The following CDK14 variants were observed in gnomAD, a reference collection of about 807,000 sequenced individuals.
The protein encoded by CDK14 is cyclin dependent kinase 14, also known as cyclin-dependent kinase 14.
CDK14 carries 34 observed loss-of-function variants against 60.7 expected under a neutral mutation model. The observed-to-expected ratio is 0.56, with a 90% CI of 0.43 to 0.75. The LOEUF is 0.75. Ranked by LOEUF, CDK14 falls within the 30% of genes least tolerant of loss-of-function variation. The probability of loss-of-function intolerance (pLI) is 0.00; values close to 1 mark genes in which losing one functional copy is unlikely to be tolerated. For missense variants in CDK14, 482 were observed against 564.1 expected, an observed-to-expected ratio of 0.85 and a Z score of 1.47; for synonymous variants, 197 against 203.7, an observed-to-expected ratio of 0.97 and a Z score of 0.28.
rs1261839192 is a variant in CDK14, at chr7:90,616,349, AT to A, written c.123+12101del. Among the ~76,000 whole-genome samples the A allele has an allele frequency of 2.6e-5, 4 of 152,344 alleles. No individual in the cohort carries two copies. In the South Asian group the frequency reaches 8.3e-4, roughly 32 times the overall value. On this transcript the variant is annotated intron_variant, in intron 2 of 14. Coordinates refer to ENST00000380050, the MANE Select transcript of CDK14 (RefSeq NM_001287135.2). ...GATGTTAGTTACAGTTATTCAGGGCATGAATTACAAATTCTTTTGTGTTATA... is the reference window on the plus strand; with the variant it reads ...GATGTTAGTTACAGTTATTCAGGGCAGAATTACAAATTCTTTTGTGTTATA...
At chr7:90,769,063 T>G (rs1244081279) in intron 4 of CDK14, among the ~76,000 whole-genome samples, 1 of 152,230 alleles carries the variant, frequency 6.6e-6, no homozygotes, top group Non-Finnish European at 1.5e-5. Context: ...TACAAAAATT[T>G]AGACATTTAT....
intron 6 of CDK14, among the ~76,000 whole-genome samples, chr7:90,870,501 TA>T (rs35166833): frequency 6.6e-6 from 1 of 152,130 alleles, no homozygotes; most frequent in East Asian, 1.9e-4. Context: ...AATAAAAGTT[TA>T]AAAAAATTCA....
chr7:91,092,399 A>C lies in CDK14; in HGVS notation c.1154+12919A>C, dbSNP rs17163569. Among the ~76,000 whole-genome samples, 1,493 of 152,260 alleles carry C rather than the reference A, an allele frequency of 9.8e-3. 20 individuals are homozygous for C. The highest frequency in any genetic ancestry group is 0.033 in the African/African-American group (1,358 of 41,538). On this transcript the variant is annotated intron_variant, in intron 12 of 14. Transcript: ENST00000380050. Reference sequence around the variant, plus strand: ...AAGAATAATTTGACCAGCCTCTTGGAAAAACCTAGGCATCCTCTTACCACA... The same window carrying C: ...AAGAATAATTTGACCAGCCTCTTGGCAAAACCTAGGCATCCTCTTACCACA...
intron 11 of CDK14, among the ~76,000 whole-genome samples, chr7:91,075,916 G>T (rs777632514): frequency 5.3e-5 from 8 of 152,092 alleles, no homozygotes; most frequent in Non-Finnish European, 1.0e-4. Context: ...AACAAGGGAT[G>T]TGAAGGGCCT....
chr7:90,842,214 A>G (rs1239774089), intron 5 of CDK14, among the ~76,000 whole-genome samples: 1 of 152,166 alleles, frequency 6.6e-6, no homozygotes, highest in East Asian at 1.9e-4. Flanking sequence ...ACAAGATGCT[A>G]TTTTGATCCT....
intron 6 of CDK14, among the ~76,000 whole-genome samples, chr7:90,875,352 A>G (rs891333591): frequency 3.3e-5 from 5 of 152,048 alleles, no homozygotes; most frequent in African/African-American, 9.7e-5. Flanking sequence ...TCTTCTTTCA[A>G]TTCTTTTGTG....
At chr7:90,897,586 T>A (rs1429374830) in intron 6 of CDK14, among the ~76,000 whole-genome samples, 1 of 152,100 alleles carries the variant, frequency 6.6e-6, no homozygotes, top group Admixed American at 6.6e-5. Flanking sequence ...CAAAAACAAA[T>A]GTTCTCTCGT....
At chr7:90,746,478 A>G (rs1803596273) in intron 3 of CDK14, among the ~76,000 whole-genome samples, 2 of 152,200 alleles carry the variant, frequency 1.3e-5, no homozygotes, top group South Asian at 4.1e-4. Context: ...GGTTATTTAT[A>G]AAGTACCACA....
chr7:90,849,880 C>T (rs1562797660), intron 5 of CDK14, among the ~76,000 whole-genome samples: 1 of 151,980 alleles, frequency 6.6e-6, no homozygotes, highest in Non-Finnish European at 1.5e-5. Flanking sequence ...TGTTAACAAA[C>T]TTATCTCATG....
At chr7:91,093,268 C>G (rs779213743) in intron 12 of CDK14, among the ~76,000 whole-genome samples, 1 of 152,096 alleles carries the variant, frequency 6.6e-6, no homozygotes, top group Non-Finnish European at 1.5e-5. Context: ...TGCACTGTTG[C>G]GTTGATCAAT....
intron 14 of CDK14, among the ~76,000 whole-genome samples, chr7:91,128,269 T>C (rs1405039560): frequency 2.6e-5 from 4 of 152,198 alleles, no homozygotes; most frequent in Non-Finnish European, 4.4e-5. Flanking sequence ...TAAAACCTCC[T>C]AGTCCAAAAC....
At position 91,024,908 on chromosome 7, in the gene CDK14, C is replaced by T. The variant is rs145386172; in HGVS notation, c.1042-20989C>T. ...TTCAGAGCTACTCCCATGAACACTC[C>T]TTATACCCCACTAATAGTTTTCTGC... On this transcript the variant is annotated intron_variant, in intron 10 of 14. Transcript: ENST00000380050. Among the ~76,000 whole-genome samples, 50 of 152,298 alleles carry T rather than the reference C, an allele frequency of 3.3e-4. No homozygotes were observed. The East Asian group carries it at 9.7e-3, about 29-fold the overall frequency.
intron 4 of CDK14, among the ~76,000 whole-genome samples, chr7:90,751,895 A>G (rs1365010197): frequency 2.0e-5 from 3 of 152,216 alleles, no homozygotes; most frequent in African/African-American, 7.2e-5. Flanking sequence ...ATCAGATAAA[A>G]CAGACTTTAA....
At chr7:90,737,847 T>C (rs1322957281) in intron 3 of CDK14, among the ~76,000 whole-genome samples, 1 of 152,214 alleles carries the variant, frequency 6.6e-6, no homozygotes, top group Non-Finnish European at 1.5e-5. Flanking sequence ...TTCTCCATTG[T>C]GGTTTTCCTC....
At chr7:91,179,215 G>T (rs1801901039) in intron 14 of CDK14, among the ~76,000 whole-genome samples, 1 of 151,876 alleles carries the variant, frequency 6.6e-6, no homozygotes, top group Non-Finnish European at 1.5e-5. Context: ...GGACATGGAT[G>T]AAACTGGAAA....
intron 2 of CDK14, among the ~76,000 whole-genome samples, chr7:90,615,799 A>G (rs1223411073): frequency 6.6e-6 from 1 of 152,188 alleles, no homozygotes; most frequent in Non-Finnish European, 1.5e-5. Context: ...GGGCTGTGGT[A>G]GAGGTGGAGG....
chr7:90,992,251 T>C (rs1795561276), intron 10 of CDK14, among the ~76,000 whole-genome samples: 5 of 152,234 alleles, frequency 3.3e-5, no homozygotes, highest in African/African-American at 1.2e-4. Flanking sequence ...ACAACCTGTT[T>C]GTGACCCAGA....
At chr7:90,885,177 A>C (rs958868479) in intron 6 of CDK14, among the ~76,000 whole-genome samples, 3 of 152,236 alleles carry the variant, frequency 2.0e-5, no homozygotes, top group African/African-American at 4.8e-5. Flanking sequence ...AAATTTTTGC[A>C]AGCTACCCAT....
At chr7:90,619,310 A>G (rs988914002) in intron 2 of CDK14, among the ~76,000 whole-genome samples, 3 of 152,226 alleles carry the variant, frequency 2.0e-5, no homozygotes, top group Non-Finnish European at 4.4e-5. Flanking sequence ...GCCCATTTCA[A>G]ATAACACAAT....
Sources: gnomAD v4.1 joint callset for allele counts (sites outside exome capture counted in the v4.1 genomes callset) on GRCh38, gnomAD v4.1.1 for gene constraint, MANE v1.5 for transcripts, NCBI Gene and HGNC (gene_info 2026-07-23, HGNC 2026-07-21) for gene names.